Variants in TMEM132B observed in about 807,000 individuals in gnomAD.
The protein encoded by TMEM132B is transmembrane protein 132B.
In TMEM132B, 18 loss-of-function variants were observed where a neutral mutation model predicts 90.8. The observed-to-expected ratio is 0.20, with a 90% CI of 0.14 to 0.29. TMEM132B has a LOEUF of 0.29. Ranked by LOEUF, TMEM132B falls within the 10% of genes least tolerant of loss-of-function variation. The pLI is 1.00. For synonymous variants in TMEM132B, 504 were observed against 523.3 expected (o/e 0.96, Z 0.50); for missense variants, 1,096 against 1,326.8 (o/e 0.83, Z 2.70).
chr12:125,203,122 A>G (rs1317596431), intron 1 of TMEM132B, among the ~76,000 whole-genome samples: 1 of 152,216 alleles, frequency 6.6e-6, no homozygotes, highest in Non-Finnish European at 1.5e-5. Flanking sequence ...GCAAAGTTGC[A>G]TGAATATTTT....
At chr12:125,553,106 A>G (rs1884277254) in intron 4 of TMEM132B, among the ~76,000 whole-genome samples, 1 of 152,248 alleles carries the variant, frequency 6.6e-6, no homozygotes. Flanking sequence ...CCTTGTACCC[A>G]AATTGGTATA....
At chr12:125,504,917 G>C (rs1882791615) in intron 3 of TMEM132B, among the ~76,000 whole-genome samples, 1 of 151,938 alleles carries the variant, frequency 6.6e-6, no homozygotes, top group African/African-American at 2.4e-5. Context: ...TAGAGAAAGA[G>C]AGGCCTCACA....
intron 4 of TMEM132B, among the ~76,000 whole-genome samples, chr12:125,519,882 T>C (rs1883264555): frequency 6.6e-6 from 1 of 152,214 alleles, no homozygotes; most frequent in South Asian, 2.1e-4. Flanking sequence ...TTTCTCAATC[T>C]GCGTGCATAT....
chr12:125,231,934 A>G (rs898579253), intron 1 of TMEM132B, among the ~76,000 whole-genome samples: 3 of 151,630 alleles, frequency 2.0e-5, no homozygotes, highest in Admixed American at 6.6e-5. Flanking sequence ...CCACCTCTCC[A>G]TAATTCTAGA....
At chr12:125,605,013 A>G (rs1885659304) in intron 5 of TMEM132B, among the ~76,000 whole-genome samples, 1 of 152,214 alleles carries the variant, frequency 6.6e-6, no homozygotes, top group African/African-American at 2.4e-5. Flanking sequence ...TGGTTATTAA[A>G]GAGTGGAAGT....
In TMEM132B at chr12:125,654,273, A is replaced by G; in HGVS notation, c.2815A>G (p.Ser939Gly). Residue 939 changes from serine (S) to glycine (G), a missense_variant, in exon 9 of 9, where the codon AGT becomes GGT. Coordinates refer to ENST00000682704, the MANE Select transcript of TMEM132B (RefSeq NM_001366854.1). This position sits in a 1 kb window ranked among gnomAD's most constrained non-coding sequence, Gnocchi z 5.8. ...ATACAGACACAAAAGGTTTGCTGTGAGTGAGCAGGGCAACATCCCCCATTC... is the reference window on the plus strand; with the variant it reads ...ATACAGACACAAAAGGTTTGCTGTGGGTGAGCAGGGCAACATCCCCCATTC... Reference protein sequence around the residue: ...WKYRHKRFAVSEQGNIPHSHD... With the variant: ...WKYRHKRFAVGEQGNIPHSHD... The G allele has an allele frequency of 6.2e-7, 1 of 1,613,780 alleles. No homozygotes were observed. The highest frequency in any genetic ancestry group is 8.5e-7 in the Non-Finnish European group (1 of 1,180,042).
intron 3 of TMEM132B, among the ~76,000 whole-genome samples, chr12:125,517,349 T>TGCA (rs1883190545): frequency 8.3e-5 from 5 of 60,288 alleles, no homozygotes; most frequent in East Asian, 5.9e-4. Context: ...TTTTTTTTTT[T>TGCA]TTTTTTTTTT....
chr12:125,337,640 C>T (rs1240586125), intron 1 of TMEM132B, among the ~76,000 whole-genome samples: 2 of 152,112 alleles, frequency 1.3e-5, no homozygotes, highest in East Asian at 3.9e-4. Flanking sequence ...TGACAGGTGG[C>T]CATCTCACCC....
chr12:125,612,171 A>C (rs1015459378), intron 5 of TMEM132B, among the ~76,000 whole-genome samples: 4 of 152,034 alleles, frequency 2.6e-5, no homozygotes, highest in Non-Finnish European at 5.9e-5. Context: ...TTTAATTTTA[A>C]TTTTTTAAAA....
chr12:125,216,802 T>C (rs1310338416), intron 1 of TMEM132B, among the ~76,000 whole-genome samples: 1 of 152,148 alleles, frequency 6.6e-6, no homozygotes, highest in Non-Finnish European at 1.5e-5. Flanking sequence ...TGCCAGAGAC[T>C]CCACAGATGT....
chr12:125,188,224 T>C (rs1015230381), intron 1 of TMEM132B, among the ~76,000 whole-genome samples: 3 of 152,310 alleles, frequency 2.0e-5, no homozygotes, highest in Non-Finnish European at 4.4e-5. Flanking sequence ...GAGAATGGCA[T>C]TGGGCTTAAC....
At chr12:125,303,828 G>T (rs899686580) in intron 1 of TMEM132B, among the ~76,000 whole-genome samples, 11 of 152,080 alleles carry the variant, frequency 7.2e-5, no homozygotes, top group African/African-American at 2.7e-4. Context: ...TTTTAATTGG[G>T]TTGTTTGTCT....
intron 5 of TMEM132B, among the ~76,000 whole-genome samples, chr12:125,590,697 A>C (rs1475358374): frequency 6.6e-6 from 1 of 152,248 alleles, no homozygotes; most frequent in African/African-American, 2.4e-5. Flanking sequence ...TATCCGTAGG[A>C]GCTTACTACA....
chr12:125,524,984 G>C (rs1883409137), intron 4 of TMEM132B, among the ~76,000 whole-genome samples: 1 of 152,200 alleles, frequency 6.6e-6, no homozygotes, highest in South Asian at 2.1e-4. Context: ...CATTAGCCAA[G>C]TGGAAAGAAG....
chr12:125,570,999 T>C lies in TMEM132B; in HGVS notation c.1294-12852T>C, dbSNP rs148582384. 4.5e-3 allele frequency among the ~76,000 whole-genome samples: 678 copies of C among 152,340 alleles called. 2 individuals carry two copies. Among genetic ancestry groups the C allele is most frequent in the Non-Finnish European group, 6.8e-3 (466 of 68,034 alleles). ...GCCTTTGTGGCTACTTAGCTGTTTC[T>C]ACTAAAAACTAAGTTTTGTATCTAT... is the stretch of plus-strand genomic sequence containing the variant. On this transcript the variant is annotated intron_variant, in intron 4 of 8. Coordinates refer to ENST00000682704, the MANE Select transcript of TMEM132B (RefSeq NM_001366854.1).
intron 3 of TMEM132B, among the ~76,000 whole-genome samples, chr12:125,494,211 CCCCTCCTCT>C (rs1882449921): frequency 8.9e-6 from 1 of 112,546 alleles, no homozygotes; most frequent in African/African-American, 3.5e-5. Context: ...ATGGATGCGT[CCCCTCCTCT>C]CCCTCCTCCC....
At chr12:125,320,015 T>TA (rs375672552) in intron 1 of TMEM132B, among the ~76,000 whole-genome samples, 18,065 of 142,776 alleles carry the variant, frequency 0.13, 1,438 homozygotes, top group Non-Finnish European at 0.18. Context: ...AGACCCTGCC[T>TA]AAAAAAAAAA....
chr12:125,334,898 T>TAA (rs1876906604), intron 1 of TMEM132B, among the ~76,000 whole-genome samples: 1 of 152,254 alleles, frequency 6.6e-6, no homozygotes, highest in Non-Finnish European at 1.5e-5. Context: ...AGCATAGCGT[T>TAA]AAGCAGAGCA....
Position 125,287,929 on chromosome 12 carries a change from G to A in TMEM132B, c.68-61523G>A, listed in dbSNP as rs530059598. On this transcript the variant is annotated intron_variant, in intron 1 of 8. Transcript: ENST00000682704. ...GTCGCCCAGGCTGGAGTGCAATGGC[G>A]CGATCTCGGCTCACTGCAACCTCTG... 4.6e-5 allele frequency among the ~76,000 whole-genome samples: 7 copies of A among 152,042 alleles called. No homozygotes were observed. The East Asian group carries it at 5.9e-4, about 13-fold the overall frequency.
Sources: gnomAD v4.1 joint callset for allele counts (sites outside exome capture counted in the v4.1 genomes callset) on GRCh38, gnomAD v4.1.1 for gene constraint, Gnocchi (gnomAD v3.1) non-coding constraint, MANE v1.5 for transcripts, NCBI Gene and HGNC (gene_info 2026-07-23, HGNC 2026-07-21) for gene names.